Variants in SLC43A2 observed in about 807,000 individuals in gnomAD.
SLC43A2 encodes the protein large neutral amino acids transporter small subunit 4.
In SLC43A2, 38 loss-of-function variants were observed where a neutral mutation model predicts 63.2. That is an observed-to-expected ratio of 0.60 (90% CI 0.46 to 0.79). SLC43A2 has a LOEUF of 0.79. Ranked by LOEUF, SLC43A2 falls within the 30% of genes least tolerant of loss-of-function variation. The pLI, the probability that SLC43A2 is intolerant of heterozygous loss-of-function variation, is 0.00. For synonymous variants in SLC43A2, 322 were observed against 331.0 expected (o/e 0.97, Z 0.30); for missense variants, 644 against 756.2 (o/e 0.85, Z 1.74).
chr17:1,624,959 C>T (rs1048432643), intron 2 of SLC43A2, among the ~76,000 whole-genome samples: 4 of 152,086 alleles, frequency 2.6e-5, no homozygotes, highest in Non-Finnish European at 4.4e-5. Flanking sequence ...CCTGTTGAAG[C>T]GGGGGCCACT....
In SLC43A2 at chr17:1,575,698, C is replaced by A. The variant is rs756685595; in HGVS notation, c.1616G>T (p.Arg539Leu). The A allele has an allele frequency of 6.2e-7, 1 of 1,613,914 alleles. No individual in the cohort carries two copies. The change falls in exon 14 of 14, where the codon CGG becomes CTG. Residue 539 changes from arginine to leucine, a missense_variant. Arg to Leu is a moderately radical substitution (Grantham distance 102). This residue lies in a region of SLC43A2 where 105 missense variants were observed against 101.7 expected (regional missense o/e 1.03). Transcript: ENST00000301335. ...CTGCAGCTGCCGCTCCAGCTGGCGC[C>A]GGTAGCAGATCAGGTAGAGCGGGAG... Reference protein sequence around the residue: ...FCLPLYLICYRRQLERQLQQR... With the variant: ...FCLPLYLICYLRQLERQLQQR...
chr17:1,586,928 T>TGGGGCCCCCCCCCCC, intron 9 of SLC43A2: 3 of 1,232,900 alleles, frequency 2.4e-6, no homozygotes, highest in Non-Finnish European at 3.4e-6. Context: ...TCCCTGACAA[T>TGGGGCCCCCCCCCCC]CCCCCCCACC....
At position 1,576,733 on chromosome 17, in the gene SLC43A2, C is replaced by G. The variant is rs184077509; in HGVS notation, c.1425-13G>C. On this transcript the variant is annotated splice_polypyrimidine_tract_variant and intron_variant, in intron 12 of 13. Transcript: ENST00000301335. Reference sequence around the variant, plus strand: ...GGTGGAGGGGTACCTGCAGGGCAAGCGACAGCTCACAGCCATCCTGCCTCC... The same window carrying G: ...GGTGGAGGGGTACCTGCAGGGCAAGGGACAGCTCACAGCCATCCTGCCTCC... 1.2e-6 allele frequency: 2 copies of G among 1,606,984 alleles called. No homozygotes were observed. The highest frequency in any genetic ancestry group is 1.7e-6 in the Non-Finnish European group (2 of 1,179,630).
At chr17:1,621,018 C>T (rs1208205856) in intron 2 of SLC43A2, among the ~76,000 whole-genome samples, 1 of 152,068 alleles carries the variant, frequency 6.6e-6, no homozygotes, top group Non-Finnish European at 1.5e-5. Context: ...AGTGGCCCAG[C>T]CCAGCCTGGC....
At position 1,614,412 on chromosome 17, in the gene SLC43A2, A is replaced by AAAACAAAAC. The variant is rs1907403837; in HGVS notation, c.424+558_424+566dup. 1.2e-4 allele frequency among the ~76,000 whole-genome samples: 3 copies of AAAACAAAAC among 25,314 alleles called. No individual in the cohort carries two copies. The South Asian group carries it at 6.8e-3, about 58-fold the overall frequency. The allele number at this position is 25,314 out of a possible 152,430, so 16.6% of individuals were successfully genotyped here. A position where few individuals can be genotyped will look rare whatever the true frequency, so the allele number is the denominator to read the frequency against. ...GGTGACAGAGAGAGACCCTGTCTCT[A>AAAACAAAAC]AAACAAAACAAAACAAAACAACAAC... On this transcript the variant is annotated intron_variant, in intron 4 of 13. Transcript: ENST00000301335.
At chr17:1,585,707 T>C in intron 10 of SLC43A2, 6 of 1,511,690 alleles carry the variant, frequency 4.0e-6, no homozygotes, top group Non-Finnish European at 5.3e-6. Flanking sequence ...AGCATTTCCA[T>C]TGCATTCCAA....
chr17:1,602,623 G>T (rs772857817), intron 5 of SLC43A2, among the ~76,000 whole-genome samples: 10 of 151,920 alleles, frequency 6.6e-5, no homozygotes, highest in Non-Finnish European at 1.3e-4. Context: ...TCCAGCCTGG[G>T]CGACAGAGCG....
At chr17:1,615,367 C>G (rs1907499689) in intron 3 of SLC43A2, among the ~76,000 whole-genome samples, 1 of 151,982 alleles carries the variant, frequency 6.6e-6, no homozygotes, top group South Asian at 2.1e-4. Flanking sequence ...AACTCTGCCT[C>G]CCAAAAAGCT....
intron 9 of SLC43A2, 149 bp downstream of exon 9, chr17:1,590,653 G>T: frequency 1.9e-6 from 2 of 1,040,252 alleles, no homozygotes; most frequent in Non-Finnish European, 2.8e-6. Flanking sequence ...TGGCAGTGAT[G>T]CAATAGCTCT....
At chr17:1,592,661 G>C (rs554036151) in intron 6 of SLC43A2, among the ~76,000 whole-genome samples, 6 of 152,182 alleles carry the variant, frequency 3.9e-5, no homozygotes, top group Non-Finnish European at 1.5e-5. Context: ...AAGCCCCTAC[G>C]GGGCCCTGGC....
intron 9 of SLC43A2, chr17:1,586,928 T>TGGCCC: frequency 1.9e-4 from 235 of 1,232,586 alleles, no homozygotes; most frequent in Non-Finnish European, 2.4e-4. Flanking sequence ...TCCCTGACAA[T>TGGCCC]CCCCCCCACC....
chr17:1,602,365 G>A (rs898018345), intron 5 of SLC43A2, among the ~76,000 whole-genome samples: 1 of 152,076 alleles, frequency 6.6e-6, no homozygotes, highest in Admixed American at 6.6e-5. Context: ...TCATTCACAG[G>A]CCGGGCACGG....
chr17:1,598,282 G>A (rs938944476), intron 5 of SLC43A2, among the ~76,000 whole-genome samples: 5 of 152,094 alleles, frequency 3.3e-5, no homozygotes, highest in African/African-American at 1.2e-4. Flanking sequence ...TTAGCTGGGC[G>A]TGGTGGTGGG....
intron 10 of SLC43A2, among the ~76,000 whole-genome samples, chr17:1,584,894 A>G (rs2076078324): frequency 6.6e-6 from 1 of 152,222 alleles, no homozygotes; most frequent in African/African-American, 2.4e-5. Context: ...TCCCTTACAT[A>G]AAGTAGGACT....
intron 5 of SLC43A2, among the ~76,000 whole-genome samples, chr17:1,602,763 T>G (rs1224858658): frequency 4.0e-5 from 6 of 150,236 alleles, no homozygotes; most frequent in Non-Finnish European, 7.4e-5. Flanking sequence ...TTTCAGTTTT[T>G]TTTTTTTTTT....
rs2075816686 is a variant in SLC43A2, at chr17:1,569,546, A to G, written c.*6058T>C. Reference sequence around the variant, plus strand: ...AGAGCGGCACACAAGAAATCTACACAGTCTTCCCAACATGTACACACCCTG... The same window carrying G: ...AGAGCGGCACACAAGAAATCTACACGGTCTTCCCAACATGTACACACCCTG... On this transcript the variant is annotated 3_prime_UTR_variant, in exon 14 of 14. Transcript: ENST00000301335. 1 of 152,254 alleles carries G rather than the reference A, an allele frequency of 6.6e-6. No individual in the cohort carries two copies. Among genetic ancestry groups the G allele is most frequent in the Non-Finnish European group, 1.5e-5 (1 of 68,060 alleles). 9.4% of individuals were successfully genotyped at this position (152,254 alleles called of 1,614,324 possible).
chr17:1,581,495 C>G (rs879460048), intron 11 of SLC43A2, among the ~76,000 whole-genome samples: 1 of 152,190 alleles, frequency 6.6e-6, no homozygotes, highest in Non-Finnish European at 1.5e-5. Context: ...GTACACACAA[C>G]AGTTCCCACG....
rs1386202047 is a variant in SLC43A2 at position 1,613,416 on chromosome 17, A to G, written c.425-145T>C. On this transcript the variant is annotated intron_variant, in intron 4 of 13. Transcript: ENST00000301335. ...TTAGTACCTGACATCTGGGGAGTGG[A>G]ACTGCCCCTTTCTCACCCCCTCCTC... The G allele has an allele frequency of 7.5e-6, 5 of 662,502 alleles. No homozygotes were observed. In the Admixed American group the frequency reaches 1.3e-4, roughly 18 times the overall value. The allele number at this position is 662,502 out of a possible 1,614,324, so 41.0% of individuals were successfully genotyped here.
chr17:1,622,913 C>CA (rs1477526586), intron 2 of SLC43A2, among the ~76,000 whole-genome samples: 1 of 151,624 alleles, frequency 6.6e-6, no homozygotes, highest in African/African-American at 2.4e-5. Flanking sequence ...AACTCCATCT[C>CA]AAAAAAATAA....
Sources: allele counts gnomAD v4.1 joint callset (sites outside exome capture counted in the v4.1 genomes callset), GRCh38; gene constraint gnomAD v4.1.1; regional missense constraint gnomAD v4.1.1; transcripts MANE v1.5; gene names NCBI Gene and HGNC (gene_info 2026-07-23, HGNC 2026-07-21).